The following TBL1X variants were observed in gnomAD, a reference collection of about 807,000 sequenced individuals.
TBL1X encodes F-box-like/WD repeat-containing protein TBL1X.
Under a neutral mutation model 50.7 loss-of-function variants are expected in TBL1X, and 10 were observed. That is an observed-to-expected ratio of 0.20 (90% CI 0.12 to 0.33). The LOEUF is 0.33. Among genes scored for constraint, TBL1X ranks in the 10% least tolerant of loss-of-function variants. TBL1X has a pLI of 1.00. For synonymous variants in TBL1X, 190 were observed against 214.7 expected (o/e 0.88, Z 1.01); for missense variants, 340 against 504.4 (o/e 0.67, Z 3.12).
At chrX:9,585,147 G>T (rs1238632151) in intron 2 of TBL1X, among the ~76,000 whole-genome samples, 2 of 111,586 alleles carry the variant, frequency 1.8e-5, no homozygotes, top group Non-Finnish European at 3.8e-5. Flanking sequence ...ATAACTAGAA[G>T]AGCAATCATG....
intron 5 of TBL1X, among the ~76,000 whole-genome samples, chrX:9,673,911 A>G (rs1014980555): frequency 5.4e-5 from 6 of 111,841 alleles, no homozygotes; most frequent in Non-Finnish European, 1.1e-4. Flanking sequence ...TACTAAAACT[A>G]CAAAATTAGC....
intron 2 of TBL1X, among the ~76,000 whole-genome samples, chrX:9,547,398 C>T (rs910168849): frequency 9.0e-6 from 1 of 111,088 alleles, no homozygotes; most frequent in African/African-American, 3.3e-5. Context: ...CGACTCACTG[C>T]AACCTCCACC....
intron 2 of TBL1X, among the ~76,000 whole-genome samples, chrX:9,589,603 T>C (rs369349623): frequency 3.0e-4 from 34 of 111,652 alleles, no homozygotes; most frequent in African/African-American, 1.0e-3. Context: ...GCGCTTGCTG[T>C]TGTTTAACTT....
At chrX:9,498,625 T>C (rs1222762261) in intron 1 of TBL1X, among the ~76,000 whole-genome samples, 2 of 112,675 alleles carry the variant, frequency 1.8e-5, no homozygotes, top group Non-Finnish European at 3.8e-5. Context: ...GATCCAGCTC[T>C]TGCCTTCTTC....
intron 1 of TBL1X, among the ~76,000 whole-genome samples, chrX:9,465,883 C>T (rs1205752786): frequency 8.8e-6 from 1 of 113,122 alleles, no homozygotes; most frequent in Non-Finnish European, 1.9e-5. Context: ...GATTTCCCCG[C>T]TGTTGGGGAG....
intron 5 of TBL1X, among the ~76,000 whole-genome samples, chrX:9,666,986 C>T (rs992375399): frequency 8.9e-6 from 1 of 111,998 alleles, no homozygotes; most frequent in African/African-American, 3.2e-5. Flanking sequence ...TTTTAAGGAT[C>T]GTCTTAACCT....
At chrX:9,598,450 G>A (rs1331116335) in intron 2 of TBL1X, among the ~76,000 whole-genome samples, 3 of 111,596 alleles carry the variant, frequency 2.7e-5, no homozygotes, top group Non-Finnish European at 5.6e-5. Context: ...CTCTTTTTAA[G>A]ATGCCAGAGC....
chrX:9,691,800 A>G lies in TBL1X; in HGVS notation c.749+89A>G, dbSNP rs189942680. ...CTTCTCTGGAGTTCTGCCTAAAGGA[A>G]CACACACTCCCCTTCTTACCCCGGT... On this transcript the variant is annotated intron_variant, in intron 8 of 17. Coordinates refer to ENST00000645353, the MANE Select transcript of TBL1X (RefSeq NM_005647.4). 326 of 1,117,098 alleles carry G rather than the reference A, an allele frequency of 2.9e-4. No individual in the cohort carries two copies. In the African/African-American group the frequency reaches 5.5e-3, roughly 19 times the overall value. The allele number at this position is 1,117,098 out of a possible 1,213,427, so 92.1% of individuals were successfully genotyped here.
At chrX:9,690,616 C>T (rs776855343) in intron 7 of TBL1X, among the ~76,000 whole-genome samples, 3 of 111,986 alleles carry the variant, frequency 2.7e-5, no homozygotes, top group Non-Finnish European at 5.6e-5. Context: ...TTTAGGGGGA[C>T]ATAGTTTAGC....
chrX:9,719,234 C>A lies in TBL1X; in HGVS notation c.*2988C>A, dbSNP rs891730952. 4 of 111,816 alleles carry A rather than the reference C, an allele frequency of 3.6e-5. No individual in the cohort carries two copies. In the Admixed American group the frequency reaches 3.8e-4, roughly 11 times the overall value. The allele number at this position is 111,816 out of a possible 1,213,427, so 9.2% of individuals were successfully genotyped here. Reference sequence around the variant, plus strand: ...GAAAGGGATGCTGCCCCAAGGGGGACCAAAAGGGCCGGACGTTACAGGGTG... The same window carrying A: ...GAAAGGGATGCTGCCCCAAGGGGGAACAAAAGGGCCGGACGTTACAGGGTG... On this transcript the variant is annotated 3_prime_UTR_variant, in exon 18 of 18. Transcript: ENST00000645353.
chrX:9,531,357 GTGTGT>G lies in TBL1X; in HGVS notation c.-131+29509_-131+29513del, dbSNP rs1569216633. Among the ~76,000 whole-genome samples the G allele has an allele frequency of 5.6e-3, 383 of 68,972 alleles. 1 individual carries two copies. The highest frequency in any genetic ancestry group is 0.023 in the Middle Eastern group (3 of 128). 59.9% of individuals were successfully genotyped at this position (68,972 alleles called of 115,157 possible). ...TTTTTGAACTAAGAACCTGGAGGGT[GTGTGT>G]GTGTGTGTGTGTGTGTGTGTGTGTG... is the stretch of plus-strand genomic sequence containing the variant. On this transcript the variant is annotated intron_variant, in intron 2 of 17. Transcript: ENST00000645353.
At chrX:9,470,168 G>T (rs913354071) in intron 1 of TBL1X, among the ~76,000 whole-genome samples, 1 of 112,615 alleles carries the variant, frequency 8.9e-6, no homozygotes, top group African/African-American at 3.2e-5. Context: ...TTTTGATATA[G>T]TCGTGCAGTG....
At chrX:9,660,019 C>T (rs1371938293) in intron 5 of TBL1X, among the ~76,000 whole-genome samples, 3 of 112,416 alleles carry the variant, frequency 2.7e-5, no homozygotes, top group Non-Finnish European at 3.8e-5. Context: ...TTGGTCTAAC[C>T]TTCTGCTTAA....
intron 1 of TBL1X, among the ~76,000 whole-genome samples, chrX:9,494,178 A>G (rs192679009): frequency 6.3e-4 from 70 of 111,639 alleles, no homozygotes; most frequent in African/African-American, 2.1e-3. Flanking sequence ...GGATTTGTAT[A>G]ATTATTATGT....
At chrX:9,581,074 G>C (rs2082439003) in intron 2 of TBL1X, among the ~76,000 whole-genome samples, 1 of 111,272 alleles carries the variant, frequency 9.0e-6, no homozygotes, top group Non-Finnish European at 1.9e-5. Context: ...TGTTATTGTT[G>C]GTTTACATTA....
chrX:9,530,362 A>G (rs948634800), intron 2 of TBL1X, among the ~76,000 whole-genome samples: 39 of 112,584 alleles, frequency 3.5e-4, no homozygotes, highest in African/African-American at 1.1e-3. Context: ...CCTGCTTCTA[A>G]TGAATTGGCA....
chrX:9,673,046 C>T (rs1168992865), intron 5 of TBL1X, among the ~76,000 whole-genome samples: 1 of 111,717 alleles, frequency 9.0e-6, no homozygotes, highest in Non-Finnish European at 1.9e-5. Context: ...TCTCTGGGGT[C>T]TCTTGTATAA....
chrX:9,519,818 CT>C (rs2082098444), intron 2 of TBL1X, among the ~76,000 whole-genome samples: 1 of 111,941 alleles, frequency 8.9e-6, no homozygotes, highest in Non-Finnish European at 1.9e-5. Flanking sequence ...TAAAAATTAG[CT>C]AGAATTCAAA....
chrX:9,618,076 C>T (rs2082648171), intron 2 of TBL1X, among the ~76,000 whole-genome samples: 1 of 111,855 alleles, frequency 8.9e-6, no homozygotes, highest in South Asian at 3.8e-4. Context: ...GGGGAGCATG[C>T]AGTATCATTG....
Sources: gnomAD v4.1 joint callset for allele counts (sites outside exome capture counted in the v4.1 genomes callset) on GRCh38, gnomAD v4.1.1 for gene constraint, MANE v1.5 for transcripts, NCBI Gene and HGNC (gene_info 2026-07-23, HGNC 2026-07-21) for gene names.